CNTN6: variants seen among roughly 807,000 people sequenced by gnomAD.
The protein encoded by CNTN6 is contactin 6, also known as contactin-6.
CNTN6 carries 137 observed loss-of-function variants against 122.8 expected under a neutral mutation model. That is an observed-to-expected ratio of 1.12 (90% CI 0.97 to 1.29). CNTN6 has a LOEUF of 1.29. Among genes scored for constraint, CNTN6 ranks in the 50% most tolerant of loss-of-function variants. CNTN6 has a pLI of 0.00. For missense variants in CNTN6, 1,634 were observed against 1,223.4 expected (o/e 1.34, Z -5.01); for synonymous variants, 570 against 426.0 (o/e 1.34, Z -4.16).
chr3:1,390,619 G>A (rs968077934), intron 20 of CNTN6, among the ~76,000 whole-genome samples: 3 of 152,100 alleles, frequency 2.0e-5, no homozygotes, highest in Non-Finnish European at 4.4e-5. Context: ...ATGAATCCAG[G>A]AGCTGGTTTT....
chr3:1,198,160 C>G (rs550864477), intron 2 of CNTN6, among the ~76,000 whole-genome samples: 121 of 152,216 alleles, frequency 7.9e-4, no homozygotes, highest in Admixed American at 1.6e-3. Context: ...CCCATCATCT[C>G]TCAAAGAACT....
chr3:1,145,199 T>G (rs1042142606), intron 1 of CNTN6, among the ~76,000 whole-genome samples: 2 of 152,218 alleles, frequency 1.3e-5, no homozygotes, highest in Admixed American at 6.5e-5. Context: ...TCAACGGGTT[T>G]ATTATCTCTT....
chr3:1,334,543 A>C (rs1359569892), intron 11 of CNTN6, among the ~76,000 whole-genome samples: 2 of 152,126 alleles, frequency 1.3e-5, no homozygotes, highest in Non-Finnish European at 2.9e-5. Context: ...GTTGAAATTG[A>C]AAGTTCTATC....
chr3:1,220,069 T>C lies in CNTN6; in HGVS notation c.56-618T>C, dbSNP rs191375383. ...GATTCTTTTGGTGTAAAAGATTTTA[T>C]TGGGGGCCAGACACAGTGGCTTAAT... On this transcript the variant is annotated intron_variant, in intron 2 of 22. Transcript: ENST00000446702. Among the ~76,000 whole-genome samples the C allele has an allele frequency of 1.1e-4, 16 of 151,650 alleles. No individual in the cohort carries two copies. The East Asian group carries it at 1.2e-3, about 11-fold the overall frequency.
chr3:1,350,932 C>T (rs1705531373), intron 11 of CNTN6, among the ~76,000 whole-genome samples: 1 of 151,788 alleles, frequency 6.6e-6, no homozygotes, highest in Admixed American at 6.6e-5. Flanking sequence ...TTTTGTTACT[C>T]TGTCAATAAT....
At chr3:1,226,853 A>G (rs2094290675) in intron 3 of CNTN6, among the ~76,000 whole-genome samples, 1 of 152,188 alleles carries the variant, frequency 6.6e-6, no homozygotes, top group Non-Finnish European at 1.5e-5. Context: ...TTCTACATGC[A>G]CAACTGTTTG....
At chr3:1,156,712 CTTCT>C (rs894990848) in intron 2 of CNTN6, among the ~76,000 whole-genome samples, 3 of 111,888 alleles carry the variant, frequency 2.7e-5, no homozygotes, top group African/African-American at 6.4e-5. Flanking sequence ...TTCCTTCCTT[CTTCT>C]TTCTTTTTCT....
chr3:1,289,710 T>C (rs1404733077), intron 5 of CNTN6, among the ~76,000 whole-genome samples: 3 of 149,656 alleles, frequency 2.0e-5, no homozygotes, highest in African/African-American at 7.4e-5. Context: ...AGTCTCGCTC[T>C]GTGGCCCAGG....
intron 20 of CNTN6, among the ~76,000 whole-genome samples, chr3:1,389,593 T>TTAACTTTAAATGTAAATGGACTAAAA (rs1693778310): frequency 6.6e-6 from 1 of 152,038 alleles, no homozygotes; most frequent in Non-Finnish European, 1.5e-5. Flanking sequence ...ATGGACTAAA[T>TTAACTTTAAATGTAAATGGACTAAAA]GCTCTAATTA....
At chr3:1,176,595 A>C (rs9823491) in intron 2 of CNTN6, among the ~76,000 whole-genome samples, 94,808 of 152,010 alleles carry the variant, frequency 0.62, 31,150 homozygotes, top group African/African-American at 0.83. Flanking sequence ...GGTGAGGGAA[A>C]AATTTATAAC....
At chr3:1,227,437 T>G (rs1232365423) in intron 3 of CNTN6, among the ~76,000 whole-genome samples, 3 of 152,236 alleles carry the variant, frequency 2.0e-5, no homozygotes, top group Non-Finnish European at 4.4e-5. Flanking sequence ...TTAAATCATT[T>G]TGACATTCAA....
At chr3:1,346,978 G>T (rs1704825616) in intron 11 of CNTN6, among the ~76,000 whole-genome samples, 1 of 152,222 alleles carries the variant, frequency 6.6e-6, no homozygotes, top group South Asian at 2.1e-4. Context: ...CCCTGACAGT[G>T]GGAAGATTAA....
At chr3:1,389,331 G>C (rs1376834691) in intron 20 of CNTN6, among the ~76,000 whole-genome samples, 3 of 151,986 alleles carry the variant, frequency 2.0e-5, no homozygotes, top group African/African-American at 7.3e-5. Context: ...AAGTGAAGGA[G>C]AAATAAAATA....
At chr3:1,354,161 G>A (rs565074178) in intron 12 of CNTN6, among the ~76,000 whole-genome samples, 3 of 151,358 alleles carry the variant, frequency 2.0e-5, no homozygotes, top group East Asian at 3.9e-4. Context: ...TGAGAAACTC[G>A]GAAGCCACTG....
rs182057561 is a variant in CNTN6, at chr3:1,388,037, G to A, written c.2704+2240G>A. The stretch of plus-strand genomic sequence containing the variant: ...ATTAGGTAAACAAAGCAGCCAGGAA[G>A]CTCCAACTGGGTGGAGCCCACCACA... On this transcript the variant is annotated intron_variant, in intron 20 of 22. Transcript: ENST00000446702. 4.0e-5 allele frequency among the ~76,000 whole-genome samples: 6 copies of A among 151,694 alleles called. No homozygotes were observed. The South Asian group carries it at 6.3e-4, about 16-fold the overall frequency.
At chr3:1,173,829 T>C (rs993286046) in intron 2 of CNTN6, among the ~76,000 whole-genome samples, 2 of 152,116 alleles carry the variant, frequency 1.3e-5, no homozygotes, top group Admixed American at 1.3e-4. Context: ...TGATCTCAGA[T>C]ATGCCACTAC....
chr3:1,172,495 G>C (rs758433297), intron 2 of CNTN6, among the ~76,000 whole-genome samples: 2 of 152,168 alleles, frequency 1.3e-5, no homozygotes, highest in Non-Finnish European at 2.9e-5. Flanking sequence ...TCAAAAGAAA[G>C]TGCATTTCTG....
intron 2 of CNTN6, among the ~76,000 whole-genome samples, chr3:1,179,884 C>G (rs2093521820): frequency 6.6e-6 from 1 of 152,150 alleles, no homozygotes; most frequent in African/African-American, 2.4e-5. Context: ...TTGTTTTATG[C>G]CTGCAGCCAA....
chr3:1,300,115 T>C (rs1696942985), intron 7 of CNTN6, among the ~76,000 whole-genome samples: 2 of 152,084 alleles, frequency 1.3e-5, no homozygotes, highest in South Asian at 2.1e-4. Context: ...TAGCTGGGAC[T>C]ACAGGTGCCC....
Sources: allele counts gnomAD v4.1 joint callset (sites outside exome capture counted in the v4.1 genomes callset), GRCh38; gene constraint gnomAD v4.1.1; transcripts MANE v1.5; gene names NCBI Gene and HGNC (gene_info 2026-07-23, HGNC 2026-07-21).